Variants in CACNA2D3 observed in about 807,000 individuals in gnomAD.
CACNA2D3 encodes calcium voltage-gated channel auxiliary subunit alpha2delta 3.
In CACNA2D3, 60 loss-of-function variants were observed where a neutral mutation model predicts 160.6. That is an observed-to-expected ratio of 0.37 (90% CI 0.30 to 0.46). The LOEUF (loss-of-function observed/expected upper bound fraction) is 0.46, where lower values mean the gene tolerates loss of function less well. Among genes scored for constraint, CACNA2D3 ranks in the 20% least tolerant of loss-of-function variants. CACNA2D3 has a pLI of 1.00. For synonymous variants in CACNA2D3, 558 were observed against 492.9 expected (o/e 1.13, Z -1.75); for missense variants, 1,205 against 1,365.0 (o/e 0.88, Z 1.85).
chr3:54,898,245 CAG>C, intron 26 of CACNA2D3, among the ~76,000 whole-genome samples: 1 of 135,690 alleles, frequency 7.4e-6, no homozygotes, highest in East Asian at 2.5e-4. Flanking sequence ...TTTTTTGAGA[CAG>C]AGTCTTGCTC....
chr3:54,203,698 C>T (rs1701216991), intron 2 of CACNA2D3, among the ~76,000 whole-genome samples: 1 of 152,064 alleles, frequency 6.6e-6, no homozygotes, highest in South Asian at 2.1e-4. Context: ...CCGTCTCATC[C>T]CGCTGGTCAG....
At chr3:54,721,417 T>C (rs1327240204) in intron 11 of CACNA2D3, among the ~76,000 whole-genome samples, 1 of 152,188 alleles carries the variant, frequency 6.6e-6, no homozygotes, top group Non-Finnish European at 1.5e-5. Context: ...AAGAATGTTT[T>C]TAATGGGGTA....
chr3:54,931,234 C>T (rs906831144), intron 27 of CACNA2D3, among the ~76,000 whole-genome samples: 2 of 152,202 alleles, frequency 1.3e-5, no homozygotes, highest in Non-Finnish European at 2.9e-5. Flanking sequence ...TAATGGGTTC[C>T]TGGCAACATC....
intron 11 of CACNA2D3, among the ~76,000 whole-genome samples, chr3:54,729,315 T>TGAAAA: frequency 6.6e-6 from 1 of 152,230 alleles, no homozygotes; most frequent in Admixed American, 6.5e-5. Context: ...GTATAGGATC[T>TGAAAA]GGTGGCACCT....
chr3:54,855,356 C>G (rs1048620428), intron 17 of CACNA2D3, among the ~76,000 whole-genome samples: 2 of 152,200 alleles, frequency 1.3e-5, no homozygotes, highest in Non-Finnish European at 2.9e-5. Flanking sequence ...CCCACTGTTT[C>G]TAACTTCAGG....
In CACNA2D3 at chr3:54,173,260, T is replaced by G. The variant is rs148052395; in HGVS notation, c.204+49666T>G. On this transcript the variant is annotated intron_variant, in intron 2 of 37. Coordinates refer to ENST00000474759, the MANE Select transcript of CACNA2D3 (RefSeq NM_018398.3). The stretch of plus-strand genomic sequence containing the variant: ...TTTTGTGCTTAACATTCTGCAAACA[T>G]CTTTGGGTCCTCCCCTCTTTGTCCC... 3.3e-5 allele frequency among the ~76,000 whole-genome samples: 5 copies of G among 152,314 alleles called. No individual in the cohort carries two copies. In the East Asian group the frequency reaches 9.6e-4, roughly 29 times the overall value.
intron 11 of CACNA2D3, among the ~76,000 whole-genome samples, chr3:54,728,098 T>C (rs1424715278): frequency 6.6e-6 from 1 of 152,208 alleles, no homozygotes; most frequent in Non-Finnish European, 1.5e-5. Flanking sequence ...GGAGTGTGTA[T>C]ATCTTCTTGA....
intron 2 of CACNA2D3, among the ~76,000 whole-genome samples, chr3:54,182,122 A>G (rs1156435166): frequency 1.3e-5 from 2 of 152,148 alleles, no homozygotes; most frequent in East Asian, 1.9e-4. Flanking sequence ...TTTAATGCAA[A>G]TACTTGTGTT....
intron 13 of CACNA2D3, among the ~76,000 whole-genome samples, chr3:54,770,888 T>A (rs1410334619): frequency 6.6e-6 from 1 of 152,186 alleles, no homozygotes; most frequent in Admixed American, 6.5e-5. Context: ...TTGGAAAGAC[T>A]GTAAAGAAAG....
chr3:54,504,149 G>C lies in CACNA2D3; in HGVS notation c.544+495G>C, dbSNP rs191526797. Among the ~76,000 whole-genome samples the C allele has an allele frequency of 2.0e-5, 3 of 152,344 alleles. No homozygotes were observed. The East Asian group carries it at 5.8e-4, about 29-fold the overall frequency. The stretch of plus-strand genomic sequence containing the variant: ...GCATTTAAGGGCTGGAGAGCTCCTA[G>C]GGGTGCAATGGAAACAGCTGGGGTC... On this transcript the variant is annotated intron_variant, in intron 5 of 37. Coordinates refer to ENST00000474759, the MANE Select transcript of CACNA2D3 (RefSeq NM_018398.3).
chr3:54,657,514 A>C (rs189517075), intron 11 of CACNA2D3, among the ~76,000 whole-genome samples: 1 of 152,262 alleles, frequency 6.6e-6, no homozygotes, highest in East Asian at 1.9e-4. Flanking sequence ...ATACACATTC[A>C]ACAACAGCTC....
chr3:54,969,838 T>C lies in CACNA2D3; in HGVS notation c.2550T>C (p.Asp850=), dbSNP rs1317009529. 1.9e-6 allele frequency: 3 copies of C among 1,613,346 alleles called. No homozygotes were observed. The highest frequency in any genetic ancestry group is 2.5e-6 in the Non-Finnish European group (3 of 1,179,644). The change falls in exon 29 of 38, where the codon GAT becomes GAC. Residue 850 remains aspartate (D), a synonymous_variant. Coordinates refer to ENST00000474759, the MANE Select transcript of CACNA2D3 (RefSeq NM_018398.3). ...ATGGCAAATGCTCCATCAGCTGTGA[T>C]GATGAGGTAAGACGGCCTCCTGGTC... The part of the protein sequence containing the change: ...SLDGKCSISC[D]DETVNCYLID...
rs1031138926 is a variant in CACNA2D3, at chr3:55,046,147, T to C, written c.2988-27298T>C. 7.3e-5 allele frequency among the ~76,000 whole-genome samples: 11 copies of C among 150,714 alleles called. No homozygotes were observed. The East Asian group carries it at 1.9e-3, about 27-fold the overall frequency. On this transcript the variant is annotated intron_variant, in intron 35 of 37. Coordinates refer to ENST00000474759, the MANE Select transcript of CACNA2D3 (RefSeq NM_018398.3). The stretch of plus-strand genomic sequence containing the variant: ...TTAAGTTTTAGGGCACATGTGCACA[T>C]TGTGCAGGTTAGTTACATATGTATA...
intron 27 of CACNA2D3, among the ~76,000 whole-genome samples, chr3:54,951,251 A>G (rs1441923234): frequency 1.3e-5 from 2 of 152,220 alleles, no homozygotes; most frequent in African/African-American, 2.4e-5. Flanking sequence ...AGTGGCCACT[A>G]TGTAGACATC....
chr3:54,538,853 T>C (rs1267759900), intron 5 of CACNA2D3, among the ~76,000 whole-genome samples: 1 of 152,204 alleles, frequency 6.6e-6, no homozygotes, highest in Admixed American at 6.5e-5. Context: ...TGAATTTGTC[T>C]TAGTTTTGAA....
At chr3:54,348,864 A>G (rs1257049968) in intron 3 of CACNA2D3, among the ~76,000 whole-genome samples, 1 of 152,136 alleles carries the variant, frequency 6.6e-6, no homozygotes, top group African/African-American at 2.4e-5. Flanking sequence ...AGTAACTTGG[A>G]TCACAGGTAT....
chr3:55,021,357 G>A (rs1209498514), intron 35 of CACNA2D3, among the ~76,000 whole-genome samples: 1 of 151,634 alleles, frequency 6.6e-6, no homozygotes, highest in Non-Finnish European at 1.5e-5. Context: ...CCCTTTTAAA[G>A]TTTTTAATTG....
intron 3 of CACNA2D3, among the ~76,000 whole-genome samples, chr3:54,326,744 G>GTA: frequency 6.6e-6 from 1 of 152,262 alleles, no homozygotes; most frequent in East Asian, 1.9e-4. Flanking sequence ...GGCAGTGGAG[G>GTA]TATATATGGC....
chr3:54,423,175 T>C (rs1333473855), intron 4 of CACNA2D3, among the ~76,000 whole-genome samples: 1 of 152,140 alleles, frequency 6.6e-6, no homozygotes, highest in East Asian at 1.9e-4. Flanking sequence ...GTTGATGACA[T>C]CTGGGAAGGG....
Sources: gnomAD v4.1 joint callset for allele counts (sites outside exome capture counted in the v4.1 genomes callset) on GRCh38, gnomAD v4.1.1 for gene constraint, MANE v1.5 for transcripts, NCBI Gene and HGNC (gene_info 2026-07-23, HGNC 2026-07-21) for gene names.